The following GFRA2 variants were observed in gnomAD, a reference collection of about 807,000 sequenced individuals.
GFRA2 encodes the protein GDNF family receptor alpha 2, also known as GDNF family receptor alpha-2.
Under a neutral mutation model 48.3 loss-of-function variants are expected in GFRA2, and 17 were observed. The observed-to-expected ratio is 0.35, with a 90% CI of 0.24 to 0.53. GFRA2 has a LOEUF of 0.53. GFRA2 is among the 20% of genes least tolerant of loss of function. The pLI is 0.93. For synonymous variants in GFRA2, 305 were observed against 257.2 expected (o/e 1.19, Z -1.78); for missense variants, 660 against 637.3 (o/e 1.04, Z -0.38).
chr8:21,731,718 G>A (rs1053188144), intron 4 of GFRA2, among the ~76,000 whole-genome samples: 3 of 152,142 alleles, frequency 2.0e-5, no homozygotes, highest in Admixed American at 6.5e-5. Context: ...GAAAACCCGC[G>A]AAGGAGAAAG....
intron 1 of GFRA2, 69 bp from the exon 2 acceptor site, chr8:21,782,968 T>TG: frequency 1.4e-6 from 2 of 1,413,358 alleles, no homozygotes; most frequent in Non-Finnish European, 9.7e-7. Context: ...GATGCAGGCC[T>TG]GGGGGCTTGG....
chr8:21,777,600 A>T (rs1806770196), intron 2 of GFRA2, among the ~76,000 whole-genome samples: 1 of 152,174 alleles, frequency 6.6e-6, no homozygotes, highest in South Asian at 2.1e-4. Context: ...CGGACCAAAG[A>T]ACCCTGAATT....
At chr8:21,715,211 C>G (rs977198962) in intron 4 of GFRA2, among the ~76,000 whole-genome samples, 13 of 152,182 alleles carry the variant, frequency 8.5e-5, no homozygotes, top group African/African-American at 2.4e-4. Context: ...TTTAACTGTA[C>G]AGTGGATACT....
intron 3 of GFRA2, among the ~76,000 whole-genome samples, chr8:21,756,082 G>C (rs1323980486): frequency 6.6e-6 from 1 of 152,206 alleles, no homozygotes; most frequent in African/African-American, 2.4e-5. Context: ...CCCCAGAGAG[G>C]AGGTTAGCAA....
intron 4 of GFRA2, among the ~76,000 whole-genome samples, chr8:21,728,735 A>T (rs959611899): frequency 6.6e-6 from 1 of 152,198 alleles, no homozygotes; most frequent in African/African-American, 2.4e-5. Flanking sequence ...ACCTTGGGCA[A>T]GTCCCTTAAA....
chr8:21,733,323 C>T (rs1391903018), intron 4 of GFRA2, among the ~76,000 whole-genome samples: 1 of 152,180 alleles, frequency 6.6e-6, no homozygotes, highest in African/African-American at 2.4e-5. Flanking sequence ...ACACCTACCC[C>T]ACACCCAGGC....
chr8:21,720,170 C>G (rs755473106), intron 4 of GFRA2, among the ~76,000 whole-genome samples: 1 of 152,026 alleles, frequency 6.6e-6, no homozygotes, highest in East Asian at 1.9e-4. Context: ...TGACACATAA[C>G]GTATGGAGAA....
chr8:21,706,304 C>T, intron 4 of GFRA2: 4 of 604,480 alleles, frequency 6.6e-6, no homozygotes, highest in Non-Finnish European at 6.2e-6. Context: ...AAAAGGACCC[C>T]TCAAGGCACA....
chr8:21,787,165 G>C (rs1356338894), intron 1 of GFRA2, among the ~76,000 whole-genome samples: 3 of 150,742 alleles, frequency 2.0e-5, no homozygotes, highest in Non-Finnish European at 2.9e-5. Flanking sequence ...ATTTCACCTA[G>C]CTTTAAAGGG....
At chr8:21,806,813 T>C (rs1807877353) in intron 1 of GFRA2, among the ~76,000 whole-genome samples, 1 of 152,200 alleles carries the variant, frequency 6.6e-6, no homozygotes, top group Non-Finnish European at 1.5e-5. Flanking sequence ...AACAGATTTA[T>C]TGGGAAATAA....
chr8:21,717,404 G>C (rs377130437), intron 4 of GFRA2, among the ~76,000 whole-genome samples: 53 of 152,280 alleles, frequency 3.5e-4, no homozygotes, highest in African/African-American at 1.2e-3. Flanking sequence ...AGACAATAGA[G>C]TTTATGCCCC....
At chr8:21,800,551 TG>T (rs1807751490) in intron 2 of GFRA2, among the ~76,000 whole-genome samples, 1 of 152,260 alleles carries the variant, frequency 6.6e-6, no homozygotes, top group Non-Finnish European at 1.5e-5. Context: ...TTGTAGGATC[TG>T]GGCTTCTGTG....
chr8:21,701,046 C>T (rs1018273985), intron 7 of GFRA2, among the ~76,000 whole-genome samples: 1 of 152,176 alleles, frequency 6.6e-6, no homozygotes, highest in Non-Finnish European at 1.5e-5. Flanking sequence ...AAGGCAGGGG[C>T]GAGGGCTTAT....
intron 4 of GFRA2, among the ~76,000 whole-genome samples, chr8:21,747,625 T>A (rs912993529): frequency 4.0e-5 from 6 of 151,762 alleles, no homozygotes; most frequent in African/African-American, 1.5e-4. Flanking sequence ...GGGCCCCAGC[T>A]CTCCTCCCCA....
At chr8:21,787,607 C>T (rs1807345785) in intron 1 of GFRA2, among the ~76,000 whole-genome samples, 1 of 152,154 alleles carries the variant, frequency 6.6e-6, no homozygotes, top group African/African-American at 2.4e-5. Flanking sequence ...TGACTGCCAG[C>T]GCTCCCCGCG....
intron 4 of GFRA2, among the ~76,000 whole-genome samples, chr8:21,742,739 G>C (rs1804813869): frequency 6.6e-6 from 1 of 152,190 alleles, no homozygotes; most frequent in Non-Finnish European, 1.5e-5. Flanking sequence ...TTCTCCCTGT[G>C]TAAGTGACCT....
chr8:21,720,856 T>A (rs1803559585), intron 4 of GFRA2, among the ~76,000 whole-genome samples: 1 of 152,226 alleles, frequency 6.6e-6, no homozygotes, highest in African/African-American at 2.4e-5. Flanking sequence ...TTTTCATATC[T>A]GTTTCTCCTA....
chr8:21,700,016 T>C (rs985863804), intron 7 of GFRA2, among the ~76,000 whole-genome samples: 62 of 152,222 alleles, frequency 4.1e-4, no homozygotes, highest in African/African-American at 1.4e-3. Context: ...GAAGGCAACC[T>C]GGTGTGGACG....
At chr8:21,735,118 G>A (rs1804385197) in intron 4 of GFRA2, among the ~76,000 whole-genome samples, 1 of 152,146 alleles carries the variant, frequency 6.6e-6, no homozygotes, top group African/African-American at 2.4e-5. Flanking sequence ...AACACCTCGG[G>A]CACATGTCAT....
Sources: allele counts gnomAD v4.1 joint callset (sites outside exome capture counted in the v4.1 genomes callset), GRCh38; gene constraint gnomAD v4.1.1; transcripts MANE v1.5; gene names NCBI Gene and HGNC (gene_info 2026-07-23, HGNC 2026-07-21).